Variants in FGF2 observed in about 807,000 individuals in gnomAD.
FGF2 encodes the protein basic fibroblast growth factor bFGF.
A neutral mutation model predicts 15.9 loss-of-function variants in FGF2; 13 were observed. That is an observed-to-expected ratio of 0.82 (90% confidence interval 0.53 to 1.30). The LOEUF (loss-of-function observed/expected upper bound fraction) is 1.30. FGF2 is among the 50% of genes most tolerant of loss of function. The pLI, the probability that FGF2 is intolerant of heterozygous loss-of-function variation, is 0.00. For missense variants in FGF2, 163 were observed against 196.9 expected, an observed-to-expected ratio of 0.83 and a Z score of 1.03; for synonymous variants, 90 against 78.4, an observed-to-expected ratio of 1.15 and a Z score of -0.78.
At chr4:122,870,347 T>G (rs915055267) in intron 1 of FGF2, among the ~76,000 whole-genome samples, 1 of 152,214 alleles carries the variant, frequency 6.6e-6, no homozygotes, top group Non-Finnish European at 1.5e-5. Flanking sequence ...CCTCATAAAA[T>G]AAATTAGGGA....
In FGF2 at chr4:122,827,747, C is replaced by T. The variant is rs532852927; in HGVS notation, c.178+395C>T. ...TCCCGGGGACAAAGACAGGAAGGAC[C>T]GCAGCAGAACGAAACGGTCTTTACT... On this transcript the variant is annotated intron_variant, in intron 1 of 2. Coordinates refer to ENST00000644866, the MANE Select transcript of FGF2 (RefSeq NM_001361665.2). The surrounding 1 kb of genome is among the most constrained non-coding windows in gnomAD (Gnocchi z 4.2). Among the ~76,000 whole-genome samples, 18 of 152,298 alleles carry T rather than the reference C, an allele frequency of 1.2e-4. No individual in the cohort carries two copies. The highest frequency in any genetic ancestry group is 4.1e-4 in the African/African-American group (17 of 41,572).
chr4:122,894,689 A>G lies in FGF2; in HGVS notation c.*2293A>G, dbSNP rs1266023509. The G allele has an allele frequency of 6.6e-6, 1 of 152,234 alleles. No homozygotes were observed. Among genetic ancestry groups the G allele is most frequent in the East Asian group, 1.9e-4 (1 of 5,202 alleles). 9.4% of individuals were successfully genotyped at this position (152,234 alleles called of 1,614,324 possible). Reference sequence around the variant, plus strand: ...TTTAAGATGGTAGCACTAGTCTTAAATTGTATAAAATATCCCCTAACATGT... The same window carrying G: ...TTTAAGATGGTAGCACTAGTCTTAAGTTGTATAAAATATCCCCTAACATGT... On this transcript the variant is annotated 3_prime_UTR_variant, in exon 3 of 3. Coordinates refer to ENST00000644866, the MANE Select transcript of FGF2 (RefSeq NM_001361665.2).
intron 1 of FGF2, among the ~76,000 whole-genome samples, chr4:122,859,760 G>A (rs1168517594): frequency 6.6e-6 from 1 of 152,144 alleles, no homozygotes; most frequent in Non-Finnish European, 1.5e-5. Context: ...TTTGAATCCA[G>A]GTCTGACTCC....
chr4:122,865,501 G>C (rs1158141337), intron 1 of FGF2, among the ~76,000 whole-genome samples: 3 of 152,040 alleles, frequency 2.0e-5, no homozygotes, highest in Non-Finnish European at 4.4e-5. Context: ...ATGTTGGCCA[G>C]GCTGGCCTCG....
intron 2 of FGF2, among the ~76,000 whole-genome samples, chr4:122,883,951 T>C (rs1412772878): frequency 6.6e-6 from 1 of 152,166 alleles, no homozygotes; most frequent in East Asian, 1.9e-4. Flanking sequence ...TTGAGGGGCC[T>C]TCACAATGAC....
In FGF2 at chr4:122,895,517, A is replaced by T. The variant is rs1727322265; in HGVS notation, c.*3121A>T. On this transcript the variant is annotated 3_prime_UTR_variant, in exon 3 of 3. Transcript: ENST00000644866. The stretch of plus-strand genomic sequence containing the variant: ...GTTTCCCTCTGACTCTAGTGCACTG[A>T]TGATCTCTGATAAGGCTCAGCTGCT... 6.6e-6 allele frequency: 1 copy of T among 152,198 alleles called. No individual in the cohort carries two copies. Among genetic ancestry groups the T allele is most frequent in the African/African-American group, 2.4e-5 (1 of 41,454 alleles). The allele number at this position is 152,198 out of a possible 1,614,324, so 9.4% of individuals were successfully genotyped here.
intron 2 of FGF2, among the ~76,000 whole-genome samples, chr4:122,883,994 T>C (rs1727009545): frequency 6.6e-6 from 1 of 152,108 alleles, no homozygotes; most frequent in Admixed American, 6.5e-5. Flanking sequence ...GTAGAGAAAA[T>C]AGATATCTGA....
At position 122,893,577 on chromosome 4, in the gene FGF2, CCTTT is replaced by C. The variant is rs1342528428; in HGVS notation, c.*1182_*1185del. On this transcript the variant is annotated 3_prime_UTR_variant, in exon 3 of 3. Coordinates refer to ENST00000644866, the MANE Select transcript of FGF2 (RefSeq NM_001361665.2). Reference sequence around the variant, plus strand: ...TAAAACATTTTGCATGGCTGCAGTTCCTTTGTTTCTTGAGATAAGATTCCAAAGA... The same window carrying C: ...TAAAACATTTTGCATGGCTGCAGTTCGTTTCTTGAGATAAGATTCCAAAGA... The C allele has an allele frequency of 2.3e-5, 4 of 171,124 alleles. No homozygotes were observed. Among genetic ancestry groups the C allele is most frequent in the Non-Finnish European group, 3.7e-5 (3 of 81,382 alleles). The allele number at this position is 171,124 out of a possible 1,614,324, so 10.6% of individuals were successfully genotyped here.
intron 1 of FGF2, among the ~76,000 whole-genome samples, chr4:122,845,036 T>TA (rs2150768278): frequency 1.3e-5 from 2 of 152,352 alleles, no homozygotes; most frequent in East Asian, 3.9e-4. Flanking sequence ...TCTTAAGACT[T>TA]AAAGTAGAAA....
intron 1 of FGF2, among the ~76,000 whole-genome samples, chr4:122,858,573 A>G (rs1487920661): frequency 2.0e-5 from 3 of 151,738 alleles, no homozygotes; most frequent in African/African-American, 7.3e-5. Context: ...AGTTTTTTGT[A>G]TTTTAATAGA....
intron 1 of FGF2, 34 bp from the exon 2 acceptor site, chr4:122,876,287 G>C: frequency 8.1e-7 from 1 of 1,231,730 alleles, no homozygotes; most frequent in Non-Finnish European, 1.2e-6. Context: ...TTTCCTCTGT[G>C]GTGCTACAAA....
chr4:122,842,253 G>C (rs553742122), intron 1 of FGF2, among the ~76,000 whole-genome samples: 1 of 152,320 alleles, frequency 6.6e-6, no homozygotes, highest in East Asian at 1.9e-4. Flanking sequence ...TCCAGACAGA[G>C]AGTTTTAACC....
At position 122,896,654 on chromosome 4, in the gene FGF2, G is replaced by C. The variant is rs1727365243; in HGVS notation, c.*4258G>C. On this transcript the variant is annotated 3_prime_UTR_variant, in exon 3 of 3. Coordinates refer to ENST00000644866, the MANE Select transcript of FGF2 (RefSeq NM_001361665.2). ...GTACCTGAAACCAAGATTGGCTAGA[G>C]ATATATCTTAATGCAATCCATTTTC... 1 of 152,152 alleles carries C rather than the reference G, an allele frequency of 6.6e-6. No homozygotes were observed. Among genetic ancestry groups the C allele is most frequent in the African/African-American group, 2.4e-5 (1 of 41,420 alleles). The allele number at this position is 152,152 out of a possible 1,614,324, so 9.4% of individuals were successfully genotyped here.
In FGF2 at chr4:122,896,931, C is replaced by G. The variant is rs2150798356; in HGVS notation, c.*4535C>G. On this transcript the variant is annotated 3_prime_UTR_variant, in exon 3 of 3. Transcript: ENST00000644866. Reference sequence around the variant, plus strand: ...GTCATGATACACATTGAATTTGATCCAATAGTTTAAGGAATAGGTAGGAAA... The same window carrying G: ...GTCATGATACACATTGAATTTGATCGAATAGTTTAAGGAATAGGTAGGAAA... 6.6e-6 allele frequency: 1 copy of G among 152,146 alleles called. No individual in the cohort carries two copies. The highest frequency in any genetic ancestry group is 2.1e-4 in the South Asian group (1 of 4,800). 9.4% of individuals were successfully genotyped at this position (152,146 alleles called of 1,614,324 possible).
intron 2 of FGF2, among the ~76,000 whole-genome samples, chr4:122,888,345 T>A (rs1727100684): frequency 6.6e-6 from 1 of 152,188 alleles, no homozygotes. Context: ...AATAACCCTT[T>A]AACTGGTCTA....
chr4:122,833,179 A>ATGTGTGTGTGTGTGTGTGTG (rs139686023), intron 1 of FGF2, among the ~76,000 whole-genome samples: 14 of 149,060 alleles, frequency 9.4e-5, no homozygotes, highest in African/African-American at 3.4e-4. Context: ...TGTATAATGG[A>ATGTGTGTGTGTGTGTGTGTG]TGTGTGTGTG....
At position 122,828,863 on chromosome 4, in the gene FGF2, A is replaced by T. The variant is rs371506827; in HGVS notation, c.178+1511A>T. On this transcript the variant is annotated intron_variant, in intron 1 of 2. Transcript: ENST00000644866. ...TCTATTTCAAAAAATTATCTTTGTG[A>T]TTGAAGTTTGTTCTGCAGTTGTCTG... Among the ~76,000 whole-genome samples, 19 of 152,264 alleles carry T rather than the reference A, an allele frequency of 1.2e-4. No individual in the cohort carries two copies. In the East Asian group the frequency reaches 3.7e-3, roughly 29 times the overall value.
At position 122,827,478 on chromosome 4, in the gene FGF2, CCG is replaced by C; in HGVS notation, c.178+131_178+132del. 8.9e-7 allele frequency: 1 copy of C among 1,127,782 alleles called. No homozygotes were observed. The allele number at this position is 1,127,782 out of a possible 1,614,324, so 69.9% of individuals were successfully genotyped here. ...CCCTAGCGCTCCGTGTGGTTTCTGG[CCG>C]CGCGGCCCTCGGCGGTTTCGGGTTC... On this transcript the variant is annotated intron_variant, in intron 1 of 2. Transcript: ENST00000644866. The surrounding 1 kb of genome is among the most constrained non-coding windows in gnomAD (Gnocchi z 4.2).
rs1243218950 is a variant in FGF2, at chr4:122,864,115, A to G, written c.179-12206A>G. Among the ~76,000 whole-genome samples, 4 of 152,184 alleles carry G rather than the reference A, an allele frequency of 2.6e-5. No homozygotes were observed. In the East Asian group the frequency reaches 7.7e-4, roughly 29 times the overall value. ...ATTACTGGGGACTGCAGCCTAGCCAAGTTGATACATTAAAAAAAAATCACA... is the reference window on the plus strand; with the variant it reads ...ATTACTGGGGACTGCAGCCTAGCCAGGTTGATACATTAAAAAAAAATCACA... On this transcript the variant is annotated intron_variant, in intron 1 of 2. Coordinates refer to ENST00000644866, the MANE Select transcript of FGF2 (RefSeq NM_001361665.2).
Sources: gnomAD v4.1 joint callset for allele counts (sites outside exome capture counted in the v4.1 genomes callset) on GRCh38, gnomAD v4.1.1 for gene constraint, Gnocchi (gnomAD v3.1) non-coding constraint, MANE v1.5 for transcripts, NCBI Gene and HGNC (gene_info 2026-07-23, HGNC 2026-07-21) for gene names.